Variants in THOC6 observed in about 807,000 individuals in gnomAD.
THOC6 encodes the protein THO complex 6.
A neutral mutation model predicts 55.8 loss-of-function variants in THOC6; 39 were observed. That is an observed-to-expected ratio of 0.70 (90% CI 0.54 to 0.91). THOC6 has a LOEUF of 0.91. Ranked by LOEUF, THOC6 falls within the 40% of genes least tolerant of loss-of-function variation. THOC6 has a pLI of 0.00. For synonymous variants in THOC6, 192 were observed against 175.6 expected, an observed-to-expected ratio of 1.09 and a Z score of -0.74; for missense variants, 482 against 442.0, an observed-to-expected ratio of 1.09 and a Z score of -0.81.
At position 3,024,937 on chromosome 16, in the gene THOC6, A is replaced by ATT. The variant is rs35849212; in HGVS notation, c.39+593_39+594dup. ...GGTGTGAGCCACCACGCCCGGCCAAATTTTTTTTTTTTTTTTTTTTTTGAG... is the reference window on the plus strand; with the variant it reads ...GGTGTGAGCCACCACGCCCGGCCAAATTTTTTTTTTTTTTTTTTTTTTTTGAG... On this transcript the variant is annotated intron_variant, in intron 1 of 12. Coordinates refer to ENST00000326266, the MANE Select transcript of THOC6 (RefSeq NM_024339.5). Among the ~76,000 whole-genome samples, 824 of 102,330 alleles carry ATT rather than the reference A, an allele frequency of 8.1e-3. 27 individuals carry two copies. The highest frequency in any genetic ancestry group is 0.031 in the African/African-American group (705 of 22,852). 67.1% of individuals were successfully genotyped at this position (102,330 alleles called of 152,430 possible).
In THOC6 at chr16:3,024,081, C is replaced by T. The variant is rs2151131961; in HGVS notation, c.-246C>T. 3 of 769,432 alleles carry T rather than the reference C, an allele frequency of 3.9e-6. No homozygotes were observed. Among genetic ancestry groups the T allele is most frequent in the South Asian group, 3.6e-5 (2 of 55,276 alleles). The allele number at this position is 769,432 out of a possible 1,614,324, so 47.7% of individuals were successfully genotyped here. A position where few individuals can be genotyped will look rare whatever the true frequency, so the allele number is the denominator to read the frequency against. ...GGCGCGGAAGACGGGCGGCGCGTGG[C>T]GGAAGGCAGGCTTGCTCCTCGGGGT... On this transcript the variant is annotated 5_prime_UTR_variant, in exon 1 of 13. Transcript: ENST00000326266.
rs1294216677 is a variant in THOC6 at position 3,027,229 on chromosome 16, C to T, written c.759C>T (p.Thr253=). 1 of 1,614,060 alleles carries T rather than the reference C, an allele frequency of 6.2e-7. No individual in the cohort carries two copies. Among genetic ancestry groups the T allele is most frequent in the African/African-American group, 1.3e-5 (1 of 74,952 alleles). ...ACCTCCGATCCTCCACACCCACCAC[C>T]ATCTTCCCCATCCGGGCGCCACAGA... ...LWHLRSSTPT[T]IFPIRAPQKH... is the part of the protein sequence containing the mutation. The change falls in exon 11 of 13, where the codon ACC becomes ACT. Residue 253 remains threonine, a synonymous_variant. Coordinates refer to ENST00000326266, the MANE Select transcript of THOC6 (RefSeq NM_024339.5).
Position 3,027,632 on chromosome 16 carries a change from A to G in THOC6, c.1001A>G (p.Tyr334Cys). ...GTGGATGTCTTCACCAACCTGGGTT[A>G]CCGAGCCTTCTCCCTGTCCTTCTGA... The part of the protein sequence containing the change: ...CRVDVFTNLG[Y>C]RAFSLSF The change falls in exon 13 of 13, where the codon TAC (tyrosine) becomes TGC (cysteine). Residue 334 changes from tyrosine (Y) to cysteine (C), a missense_variant. By Grantham distance (194) the Tyr-to-Cys change is radical. Coordinates refer to ENST00000326266, the MANE Select transcript of THOC6 (RefSeq NM_024339.5). 6.2e-7 allele frequency: 1 copy of G among 1,613,802 alleles called. No homozygotes were observed. Among genetic ancestry groups the G allele is most frequent in the Non-Finnish European group, 8.5e-7 (1 of 1,179,982 alleles).
In THOC6 at chr16:3,027,673, C is replaced by T; in HGVS notation, c.*16C>T. On this transcript the variant is annotated 3_prime_UTR_variant, in exon 13 of 13. Coordinates refer to ENST00000326266, the MANE Select transcript of THOC6 (RefSeq NM_024339.5). ...GTCCTTCTGATCTCTGACGACACCC[C>T]CAGCCAGCTCAGGGTTTTAGAGTGT... 2 of 1,610,110 alleles carry T rather than the reference C, an allele frequency of 1.2e-6. No homozygotes were observed. The highest frequency in any genetic ancestry group is 1.7e-6 in the Non-Finnish European group (2 of 1,178,552).
Position 3,027,576 on chromosome 16 carries a change from G to C in THOC6, c.946-1G>C. 2.5e-6 allele frequency: 4 copies of C among 1,614,024 alleles called. No homozygotes were observed. The highest frequency in any genetic ancestry group is 3.4e-6 in the Non-Finnish European group (4 of 1,179,994). On this transcript the variant is annotated splice_acceptor_variant, in intron 12 of 12. Coordinates refer to ENST00000326266, the MANE Select transcript of THOC6 (RefSeq NM_024339.5). LOFTEE classifies it high-confidence loss of function. ...GCCAGTCATGCCCCTCTTTCCTCCA[G>C]GTCCTGACAGCTGCAGGCAACAGCT...
At chr16:3,026,191 G>A (rs1292644160) in intron 4 of THOC6, 25 bp downstream of exon 4, 3 of 1,613,388 alleles carry the variant, frequency 1.9e-6, no homozygotes, top group Non-Finnish European at 2.5e-6. Flanking sequence ...TTGGGAAAGG[G>A]CTGGGGTGCC....
In THOC6 at chr16:3,026,094, C is replaced by T; in HGVS notation, c.252C>T (p.Ser84=). The T allele has an allele frequency of 6.2e-7, 1 of 1,609,582 alleles. No homozygotes were observed. Among genetic ancestry groups the T allele is most frequent in the Non-Finnish European group, 8.5e-7 (1 of 1,176,652 alleles). Residue 84 remains serine (S), a synonymous_variant, in exon 4 of 13, where the codon TCC becomes TCT. Coordinates refer to ENST00000326266, the MANE Select transcript of THOC6 (RefSeq NM_024339.5). The part of the protein sequence containing the change: ...AHDGPVYSMV[S]TDRHLLSAGD... The stretch of plus-strand genomic sequence containing the variant: ...ATGGGCCCGTCTATAGCATGGTTTC[C>T]ACCGATCGACATCTGCTTAGTGCTG...
Position 3,027,360 on chromosome 16 carries a change from CT to C in THOC6, c.811-5del. The C allele has an allele frequency of 6.2e-7, 1 of 1,613,254 alleles. No individual in the cohort carries two copies. The highest frequency in any genetic ancestry group is 8.5e-7 in the Non-Finnish European group (1 of 1,179,472). On this transcript the variant is annotated splice_polypyrimidine_tract_variant and splice_region_variant and intron_variant, in intron 11 of 12. Coordinates refer to ENST00000326266, the MANE Select transcript of THOC6 (RefSeq NM_024339.5). ...GACCCCTGAGCACCTTCCCTGTCCT[CT>C]GCAGATTCTGTCAGCTGGCCAGGGC...
At position 3,027,519 on chromosome 16, in the gene THOC6, G is replaced by A. The variant is rs557573035; in HGVS notation, c.945+19G>A. Reference sequence around the variant, plus strand: ...GTGCAAGGTGGGTCCGGCAGGGGCCGCGGAGCGGCTGGGAGGCAGGGGTGT... The same window carrying A: ...GTGCAAGGTGGGTCCGGCAGGGGCCACGGAGCGGCTGGGAGGCAGGGGTGT... On this transcript the variant is annotated intron_variant, in intron 12 of 12. Coordinates refer to ENST00000326266, the MANE Select transcript of THOC6 (RefSeq NM_024339.5). The A allele has an allele frequency of 6.8e-6, 11 of 1,611,712 alleles. 1 individual carries two copies. Among genetic ancestry groups the A allele is most frequent in the South Asian group, 3.3e-5 (3 of 90,886 alleles).
At chr16:3,026,804 G>A (rs1454031272) in intron 8 of THOC6, 23 bp downstream of exon 8, 1 of 1,613,820 alleles carries the variant, frequency 6.2e-7, no homozygotes, top group African/African-American at 1.3e-5. Flanking sequence ...CTGGTTGGAG[G>A]GCAAGATGGC....
In THOC6 at chr16:3,025,709, C is replaced by A; in HGVS notation, c.41C>A (p.Thr14Lys). The change falls in exon 2 of 13, where the codon ACA becomes AAA. Residue 14 changes from threonine to lysine, a missense_variant and splice_region_variant. By Grantham distance (78) the Thr-to-Lys change is moderately conservative (BLOSUM62 -1). Transcript: ENST00000326266. ...AVPLAVPLGQ[T>K]EVFQALQRLH... ...GCCTCATCCAGTCTTTCCCTGCAGA[C>A]AGAGGTGTTCCAGGCCTTGCAGCGG... The A allele has an allele frequency of 6.2e-7, 1 of 1,613,660 alleles. No homozygotes were observed. Among genetic ancestry groups the A allele is most frequent in the Non-Finnish European group, 8.5e-7 (1 of 1,179,568 alleles).
At position 3,027,196 on chromosome 16, in the gene THOC6, C is replaced by T. The variant is rs781141344; in HGVS notation, c.726C>T (p.Thr242=). 1.9e-6 allele frequency: 3 copies of T among 1,614,162 alleles called. No individual in the cohort carries two copies. Among genetic ancestry groups the T allele is most frequent in the South Asian group, 1.1e-5 (1 of 91,092 alleles). Residue 242 remains threonine (T), a synonymous_variant, in exon 11 of 13, where the codon ACC becomes ACT. Transcript: ENST00000326266. ...WMVCGGGPAL[T]LWHLRSSTPT... ...TCTGTGGAGGGGGCCCAGCCCTCAC[C>T]CTCTGGCACCTCCGATCCTCCACAC...
chr16:3,025,887 G>A (rs779286863), intron 2 of THOC6, 37 bp from the exon 3 acceptor site: 71 of 1,614,048 alleles, frequency 4.4e-5, no homozygotes, highest in Non-Finnish European at 5.5e-5. Context: ...GGATGCCCCC[G>A]TTTCTGACTC....
intron 10 of THOC6, 34 bp downstream of exon 10, chr16:3,027,107 C>T: frequency 6.2e-7 from 1 of 1,614,182 alleles, no homozygotes; most frequent in African/African-American, 1.3e-5. Flanking sequence ...GGGATGGCAG[C>T]TCCGGGCCCT....
At chr16:3,025,860 C>T (rs924889284) in intron 2 of THOC6, 37 bp downstream of exon 2, 3 of 1,614,038 alleles carry the variant, frequency 1.9e-6, no homozygotes, top group African/African-American at 2.7e-5. Context: ...AGCCCTGGCA[C>T]TTGGCCCTCA....
chr16:3,026,745 C>A lies in THOC6; in HGVS notation c.550C>A (p.Leu184Met), dbSNP rs1326661577. 1 of 1,613,908 alleles carries A rather than the reference C, an allele frequency of 6.2e-7. No individual in the cohort carries two copies. Among genetic ancestry groups the A allele is most frequent in the Non-Finnish European group, 8.5e-7 (1 of 1,179,912 alleles). The change falls in exon 8 of 13, where the codon CTG becomes ATG. Residue 184 changes from leucine to methionine, a missense_variant. Physicochemically the swap from Leu to Met is conservative, Grantham distance 15. Coordinates refer to ENST00000326266, the MANE Select transcript of THOC6 (RefSeq NM_024339.5). Reference protein sequence around the residue: ...LALRERSPEVLSGGEDGAVRL... With the variant: ...LALRERSPEVMSGGEDGAVRL... ...ACTGCGGGAAAGGAGCCCAGAGGTGCTGTCAGGTGGCGAGGATGGAGCTGT... is the reference window on the plus strand; with the variant it reads ...ACTGCGGGAAAGGAGCCCAGAGGTGATGTCAGGTGGCGAGGATGGAGCTGT...
rs754648813 is a variant in THOC6, at chr16:3,026,399, C to T, written c.397C>T (p.Leu133=). The change falls in exon 6 of 13, where the codon CTG becomes TTG. Residue 133 remains leucine (L), a synonymous_variant. Transcript: ENST00000326266. The part of the protein sequence containing the change: ...SLEVPEINAL[L]LVPKENSLIL... Reference sequence around the variant, plus strand: ...GGAAGTGCCTGAGATCAACGCTTTGCTGCTGGTCCCCAAGGTCTGAGCCCC... The same window carrying T: ...GGAAGTGCCTGAGATCAACGCTTTGTTGCTGGTCCCCAAGGTCTGAGCCCC... 2 of 1,614,108 alleles carry T rather than the reference C, an allele frequency of 1.2e-6. No individual in the cohort carries two copies. The highest frequency in any genetic ancestry group is 1.7e-5 in the Admixed American group (1 of 60,008).
chr16:3,024,353 G>A lies in THOC6; in HGVS notation c.27G>A (p.Val9=), dbSNP rs200613807. The A allele has an allele frequency of 1.2e-6, 2 of 1,614,158 alleles. No individual in the cohort carries two copies. The highest frequency in any genetic ancestry group is 8.5e-7 in the Non-Finnish European group (1 of 1,180,002). The part of the protein sequence containing the change: MERAVPLA[V]PLGQTEVFQA... ...TGGAGCGAGCTGTGCCGCTCGCGGT[G>A]CCTCTGGGTCAGGTGAGACGGACGT... Residue 9 remains valine, a synonymous_variant, in exon 1 of 13, where the codon GTG becomes GTA. Transcript: ENST00000326266.
Position 3,026,659 on chromosome 16 carries a change from C to T in THOC6, c.484-20C>T. On this transcript the variant is annotated intron_variant, in intron 7 of 12. Coordinates refer to ENST00000326266, the MANE Select transcript of THOC6 (RefSeq NM_024339.5). ...GCACTCTTCCTAGGTCTCCTCCTGA[C>T]ATCGCCCCTCTACATGCAGAGGGTC... 1.9e-6 allele frequency: 3 copies of T among 1,610,554 alleles called. No individual in the cohort carries two copies. The highest frequency in any genetic ancestry group is 2.5e-6 in the Non-Finnish European group (3 of 1,178,010).
Sources: gnomAD v4.1 joint callset for allele counts (sites outside exome capture counted in the v4.1 genomes callset) on GRCh38, gnomAD v4.1.1 for gene constraint, MANE v1.5 for transcripts, NCBI Gene and HGNC (gene_info 2026-07-23, HGNC 2026-07-21) for gene names.